The following ST6GAL1 variants were observed in gnomAD, a reference collection of about 807,000 sequenced individuals.
ST6GAL1 encodes ST6 beta-galactoside alpha-2,6-sialyltransferase 1.
Under a neutral mutation model 38.0 loss-of-function variants are expected in ST6GAL1, and 20 were observed. The ratio of observed to expected loss-of-function variants is 0.53; its 90% CI spans 0.37 to 0.77. The LOEUF is 0.77. Among genes scored for constraint, ST6GAL1 ranks in the 30% least tolerant of loss-of-function variants. The pLI, the probability that ST6GAL1 is intolerant of heterozygous loss-of-function variation, is 0.00. For missense variants in ST6GAL1, 432 were observed against 496.4 expected, an observed-to-expected ratio of 0.87 and a Z score of 1.23; for synonymous variants, 196 against 188.2, an observed-to-expected ratio of 1.04 and a Z score of -0.34.
chr3:186,942,733 G>A (rs959223232), intron 1 of ST6GAL1, among the ~76,000 whole-genome samples: 2 of 152,140 alleles, frequency 1.3e-5, no homozygotes, highest in African/African-American at 2.4e-5. Flanking sequence ...CATGTTGTGT[G>A]TTCTCTCATC....
intron 1 of ST6GAL1, among the ~76,000 whole-genome samples, chr3:186,954,222 A>G (rs943681031): frequency 6.6e-6 from 1 of 152,242 alleles, no homozygotes; most frequent in East Asian, 1.9e-4. Context: ...TTCTTTATCC[A>G]GTGTATCACT....
chr3:187,064,328 G>C (rs770199635), intron 5 of ST6GAL1, among the ~76,000 whole-genome samples: 18 of 152,180 alleles, frequency 1.2e-4, no homozygotes, highest in Admixed American at 2.6e-4. Flanking sequence ...GATAAGGCAG[G>C]GGGAGGGGAG....
chr3:187,014,818 C>T (rs192400955), intron 2 of ST6GAL1, among the ~76,000 whole-genome samples: 64 of 152,296 alleles, frequency 4.2e-4, no homozygotes, highest in Non-Finnish European at 7.2e-4. Context: ...TCCTTATGGT[C>T]ATTGTTGCCA....
chr3:186,987,132 G>GGAAA (rs1279200996), intron 2 of ST6GAL1, among the ~76,000 whole-genome samples: 11 of 133,104 alleles, frequency 8.3e-5, no homozygotes, highest in Non-Finnish European at 1.4e-4. Context: ...AGGAAAGGAA[G>GGAAA]GAAAGAAAGA....
chr3:187,028,651 T>TC (rs1490737100), intron 2 of ST6GAL1, among the ~76,000 whole-genome samples: 3 of 152,240 alleles, frequency 2.0e-5, no homozygotes, highest in African/African-American at 7.2e-5. Context: ...TGTTCCAATA[T>TC]CCCCATTTGT....
At chr3:186,958,061 A>T (rs1714805426) in intron 1 of ST6GAL1, among the ~76,000 whole-genome samples, 1 of 152,142 alleles carries the variant, frequency 6.6e-6, no homozygotes. Context: ...TAAAAAAAAA[A>T]AAAAGATTAG....
chr3:187,057,355 G>A (rs1259444432), intron 5 of ST6GAL1, among the ~76,000 whole-genome samples: 1 of 152,218 alleles, frequency 6.6e-6, no homozygotes, highest in Non-Finnish European at 1.5e-5. Context: ...TGCTGGCGAG[G>A]AGCTGCGATC....
chr3:186,931,886 A>G (rs1036803741), intron 1 of ST6GAL1, among the ~76,000 whole-genome samples: 1 of 152,160 alleles, frequency 6.6e-6, no homozygotes, highest in Admixed American at 6.5e-5. Flanking sequence ...CGAGGTCCGG[A>G]AAAAGAGAAC....
At chr3:186,983,406 G>A (rs1715757823) in intron 2 of ST6GAL1, among the ~76,000 whole-genome samples, 1 of 152,156 alleles carries the variant, frequency 6.6e-6, no homozygotes. Flanking sequence ...GAGGGAGGCA[G>A]ATTTAAGAAA....
At chr3:187,060,935 C>T (rs1718894412) in intron 5 of ST6GAL1, among the ~76,000 whole-genome samples, 1 of 152,172 alleles carries the variant, frequency 6.6e-6, no homozygotes, top group South Asian at 2.1e-4. Context: ...TCTTACACAT[C>T]TTACTTTGTC....
intron 2 of ST6GAL1, among the ~76,000 whole-genome samples, chr3:187,012,402 C>T (rs535905418): frequency 6.6e-6 from 1 of 152,140 alleles, no homozygotes; most frequent in South Asian, 2.1e-4. Flanking sequence ...GGATAACAGG[C>T]GTGCGCCACC....
chr3:187,001,464 G>A (rs1256562834), intron 2 of ST6GAL1, among the ~76,000 whole-genome samples: 4 of 152,216 alleles, frequency 2.6e-5, no homozygotes, highest in Non-Finnish European at 5.9e-5. Context: ...CTCAATAACT[G>A]TTGTAAACCT....
In ST6GAL1 at chr3:186,980,478, G is replaced by A. The variant is rs1269370048; in HGVS notation, c.-183+16552G>A. Among the ~76,000 whole-genome samples the A allele has an allele frequency of 3.3e-5, 5 of 151,922 alleles. No individual in the cohort carries two copies. In the East Asian group the frequency reaches 9.6e-4, roughly 29 times the overall value. On this transcript the variant is annotated intron_variant, in intron 2 of 7. Coordinates refer to ENST00000169298, the MANE Select transcript of ST6GAL1 (RefSeq NM_173216.2). ...ACACTAGATTTTAAAGATAGAGGTC[G>A]GATGGGCGCGGTGGCTCACGCCTGT... is the stretch of plus-strand genomic sequence containing the variant.
intron 5 of ST6GAL1, among the ~76,000 whole-genome samples, chr3:187,054,591 G>A (rs2108589319): frequency 6.6e-6 from 1 of 152,226 alleles, no homozygotes; most frequent in Non-Finnish European, 1.5e-5. Flanking sequence ...TTTATGTGAT[G>A]GATTATGTTT....
intron 2 of ST6GAL1, among the ~76,000 whole-genome samples, chr3:186,985,282 T>A (rs1010404550): frequency 4.6e-5 from 7 of 152,150 alleles, no homozygotes; most frequent in East Asian, 3.8e-4. Context: ...ATAATTTTTT[T>A]AATTTGTTAT....
At chr3:186,964,175 AATTCCCAAGGGAATAC>A (rs1273929786) in intron 2 of ST6GAL1, 1 of 152,158 alleles carries the variant, frequency 6.6e-6, no homozygotes, top group Non-Finnish European at 1.5e-5. Flanking sequence ...GTGAAATTTG[AATTCCCAAGGGAATAC>A]ATTTATCCTC....
chr3:186,935,640 T>G (rs896321629), intron 1 of ST6GAL1, among the ~76,000 whole-genome samples: 4 of 152,236 alleles, frequency 2.6e-5, no homozygotes, highest in African/African-American at 9.6e-5. Context: ...GCATTGCCTT[T>G]TCTTTGCAAC....
intron 1 of ST6GAL1, among the ~76,000 whole-genome samples, chr3:186,957,772 T>C (rs1183712648): frequency 6.6e-6 from 1 of 152,180 alleles, no homozygotes; most frequent in African/African-American, 2.4e-5. Flanking sequence ...AATGAAGCCA[T>C]TCCTTAAATT....
At chr3:187,057,877 T>G (rs2108592140) in intron 5 of ST6GAL1, among the ~76,000 whole-genome samples, 1 of 152,326 alleles carries the variant, frequency 6.6e-6, no homozygotes, top group South Asian at 2.1e-4. Flanking sequence ...CTGCCTTTTA[T>G]TCAGCTATGC....
Sources: gnomAD v4.1 joint callset for allele counts (sites outside exome capture counted in the v4.1 genomes callset) on GRCh38, gnomAD v4.1.1 for gene constraint, MANE v1.5 for transcripts, NCBI Gene and HGNC (gene_info 2026-07-23, HGNC 2026-07-21) for gene names.